The following GLIS3 variants were observed in gnomAD, a reference collection of about 807,000 sequenced individuals.
The protein encoded by GLIS3 is zinc finger protein GLIS3.
In GLIS3, 53 loss-of-function variants were observed where a neutral mutation model predicts 78.6. The ratio of observed to expected loss-of-function variants is 0.67; its 90% CI spans 0.54 to 0.85. GLIS3 has a LOEUF of 0.85. Among genes scored for constraint, GLIS3 ranks in the 40% least tolerant of loss-of-function variants. GLIS3 has a pLI of 0.00. For missense variants in GLIS3, 1,703 were observed against 1,231.1 expected (o/e 1.38, Z -5.74); for synonymous variants, 684 against 509.9 (o/e 1.34, Z -4.60).
Position 3,933,963 on chromosome 9 carries a change from CTGTT to C in GLIS3, c.1873-1497_1873-1494del, listed in dbSNP as rs927514985. 1.6e-4 allele frequency among the ~76,000 whole-genome samples: 25 copies of C among 152,312 alleles called. No individual in the cohort carries two copies. The East Asian group carries it at 2.1e-3, about 13-fold the overall frequency. On this transcript the variant is annotated intron_variant, in intron 5 of 10. Transcript: ENST00000381971. ...TCTGCTGTGTTCATTGATTGACTGA[CTGTT>C]TGACTGGTTGGTTGAATCACTCAAA... is the stretch of plus-strand genomic sequence containing the variant.
intron 4 of GLIS3, among the ~76,000 whole-genome samples, chr9:4,076,892 A>G (rs1369950431): frequency 6.6e-6 from 1 of 152,150 alleles, no homozygotes; most frequent in Admixed American, 6.5e-5. Context: ...CCCTGTCTCT[A>G]TCAAGAAAAT....
intron 4 of GLIS3, among the ~76,000 whole-genome samples, chr9:4,048,891 T>C (rs981103006): frequency 7.2e-5 from 11 of 152,100 alleles, no homozygotes; most frequent in African/African-American, 2.7e-4. Flanking sequence ...CTAACAACCA[T>C]CTCTGGAATG....
intron 4 of GLIS3, among the ~76,000 whole-genome samples, chr9:4,037,547 AACACACACAC>A (rs56254712): frequency 2.7e-4 from 40 of 147,486 alleles, no homozygotes; most frequent in African/African-American, 7.3e-4. Flanking sequence ...GTGTGCACAC[AACACACACAC>A]ACACACACAC....
the GLIS3 span, among the ~76,000 whole-genome samples, chr9:4,369,916 G>C: frequency 6.6e-6 from 1 of 152,310 alleles, no homozygotes; most frequent in African/African-American, 2.4e-5. Flanking sequence ...ATCAGGCTTG[G>C]CAAGGTGGCT....
intron 4 of GLIS3, among the ~76,000 whole-genome samples, chr9:4,047,724 AC>A (rs1490197638): frequency 2.0e-5 from 3 of 152,110 alleles, no homozygotes; most frequent in African/African-American, 7.2e-5. Context: ...TCAGTGTGCT[AC>A]CCCATGCCAG....
At chr9:4,408,934 C>A in the GLIS3 span, among the ~76,000 whole-genome samples, 2 of 151,606 alleles carry the variant, frequency 1.3e-5, no homozygotes, top group South Asian at 4.2e-4. Context: ...ATACCTGTGC[C>A]AAAATATCTC....
chr9:4,364,082 G>A, the GLIS3 span, among the ~76,000 whole-genome samples: 1 of 152,202 alleles, frequency 6.6e-6, no homozygotes, highest in Non-Finnish European at 1.5e-5. Flanking sequence ...TACCATTTAT[G>A]CAAAATGTGT....
intron 6 of GLIS3, among the ~76,000 whole-genome samples, chr9:3,902,856 C>G (rs1447698378): frequency 6.6e-6 from 1 of 152,174 alleles, no homozygotes; most frequent in Non-Finnish European, 1.5e-5. Flanking sequence ...ACCTTACTAT[C>G]TCATCTTCCT....
intron 4 of GLIS3, among the ~76,000 whole-genome samples, chr9:4,025,116 G>C (rs950667030): frequency 6.6e-6 from 1 of 152,046 alleles, no homozygotes; most frequent in African/African-American, 2.4e-5. Flanking sequence ...GCCAAGCGTG[G>C]TGGTGCACAC....
intron 2 of GLIS3, chr9:4,147,182 T>C (rs1482753538): frequency 6.6e-6 from 1 of 152,350 alleles, no homozygotes; most frequent in East Asian, 1.9e-4. Context: ...TTTTAATTTC[T>C]TACAGCAAAT....
the GLIS3 span, among the ~76,000 whole-genome samples, chr9:4,364,179 G>C: frequency 2.0e-5 from 3 of 152,178 alleles, no homozygotes; most frequent in African/African-American, 7.2e-5. Context: ...ATTTTCATTT[G>C]ATCTTCAGAT....
the GLIS3 span, among the ~76,000 whole-genome samples, chr9:4,355,880 G>A: frequency 6.6e-6 from 1 of 152,152 alleles, no homozygotes; most frequent in Non-Finnish European, 1.5e-5. Context: ...ATGTGGGAAA[G>A]TCCTGGGGGC....
At chr9:3,937,278 G>A (rs1359305509) in intron 4 of GLIS3, 89 bp from the exon 5 acceptor site, 2 of 1,289,792 alleles carry the variant, frequency 1.6e-6, no homozygotes, top group Non-Finnish European at 1.1e-6. Flanking sequence ...TTCTTAGTTG[G>A]TACTTTGCCG....
chr9:4,401,549 C>T, the GLIS3 span, among the ~76,000 whole-genome samples: 9 of 151,072 alleles, frequency 6.0e-5, no homozygotes, highest in African/African-American at 2.0e-4. Flanking sequence ...CCGGTGTGAG[C>T]CACCGTGCCT....
chr9:4,136,691 A>C lies in GLIS3; in HGVS notation c.389-10750T>G, dbSNP rs1833431564. 2.0e-5 allele frequency among the ~76,000 whole-genome samples: 3 copies of C among 152,148 alleles called. No homozygotes were observed. The South Asian group carries it at 6.2e-4, about 32-fold the overall frequency. On this transcript the variant is annotated intron_variant, in intron 2 of 10. Coordinates refer to ENST00000381971, the MANE Select transcript of GLIS3 (RefSeq NM_001042413.2). Reference sequence around the variant, plus strand: ...AGGAAGTAGTAGGGTGTAGACACAGAAACGAAAGGGAGGAGGCACAATGCG... The same window carrying C: ...AGGAAGTAGTAGGGTGTAGACACAGCAACGAAAGGGAGGAGGCACAATGCG...
At chr9:4,175,365 A>T (rs1208133198) in intron 2 of GLIS3, among the ~76,000 whole-genome samples, 1 of 152,252 alleles carries the variant, frequency 6.6e-6, no homozygotes, top group Non-Finnish European at 1.5e-5. Context: ...ATGGAGGCAG[A>T]GAAAGAGGTC....
rs1825940200 is a variant in GLIS3, at chr9:3,937,079, G to A, written c.1821C>T (p.Ala607=). 6.2e-7 allele frequency: 1 copy of A among 1,613,696 alleles called. No homozygotes were observed. The highest frequency in any genetic ancestry group is 8.5e-7 in the Non-Finnish European group (1 of 1,180,036). The change falls in exon 5 of 11, where the codon GCC becomes GCT. Residue 607 remains alanine (A), a synonymous_variant. Transcript: ENST00000381971. ...YLCQHPGCQK[A]FSNSSDRAKH... is the part of the protein sequence containing the mutation. The stretch of plus-strand genomic sequence containing the variant: ...TGGCGCGGTCACTGGAGTTACTGAA[G>A]GCCTTCTGACAACCCGGATGCTGGC...
intron 4 of GLIS3, among the ~76,000 whole-genome samples, chr9:4,051,250 T>C (rs1266234638): frequency 6.6e-6 from 1 of 152,208 alleles, no homozygotes; most frequent in Non-Finnish European, 1.5e-5. Flanking sequence ...TTCAATTGCT[T>C]ATTTCGAATG....
At chr9:4,255,730 G>A (rs12004595) in intron 2 of GLIS3, among the ~76,000 whole-genome samples, 3,482 of 152,142 alleles carry the variant, frequency 0.023, 95 homozygotes, top group African/African-American at 0.071. Flanking sequence ...TGAATAGGCA[G>A]GGCACAGAGG....
Sources: gnomAD v4.1 joint callset for allele counts (sites outside exome capture counted in the v4.1 genomes callset) on GRCh38, gnomAD v4.1.1 for gene constraint, MANE v1.5 for transcripts, NCBI Gene and HGNC (gene_info 2026-07-23, HGNC 2026-07-21) for gene names.